The following INSL6 variants were observed in gnomAD, a reference collection of about 807,000 sequenced individuals.
INSL6 encodes insulin-like peptide INSL6.
Under a neutral mutation model 9.4 loss-of-function variants are expected in INSL6, and 16 were observed. That is an observed-to-expected ratio of 1.70 (90% CI 1.15 to 2.59). The LOEUF is 2.59. Ranked by LOEUF, INSL6 falls within the 30% of genes most tolerant of loss-of-function variation. The pLI, the probability that INSL6 is intolerant of heterozygous loss-of-function variation, is 0.00. For synonymous variants in INSL6, 154 were observed against 96.9 expected (o/e 1.59, Z -3.46); for missense variants, 391 against 257.3 (o/e 1.52, Z -3.56).
intron 2 of INSL6, among the ~76,000 whole-genome samples, chr9:5,149,287 C>G (rs1173804155): frequency 6.6e-6 from 1 of 152,228 alleles, no homozygotes; most frequent in Non-Finnish European, 1.5e-5. Flanking sequence ...GCCTCAGCAA[C>G]TGTATCTTTT....
At chr9:5,107,383 A>G in the INSL6 span, among the ~76,000 whole-genome samples, 4 of 152,094 alleles carry the variant, frequency 2.6e-5, no homozygotes, top group African/African-American at 9.7e-5. Context: ...CTTTTCCATA[A>G]AATTCTTCCT....
chr9:5,043,710 GATGA>G, the INSL6 span, among the ~76,000 whole-genome samples: 1 of 152,180 alleles, frequency 6.6e-6, no homozygotes, highest in South Asian at 2.1e-4. Flanking sequence ...TCTGTCAGGC[GATGA>G]ATGGATACAG....
At chr9:5,163,683 T>C (rs1163518938), downstream of INSL6, among the ~76,000 whole-genome samples, 5 of 152,176 alleles carry the variant, frequency 3.3e-5, no homozygotes, top group African/African-American at 1.2e-4. Context: ...GATGTCTGCA[T>C]GGATCAAACC....
At chr9:5,057,579 T>C in the INSL6 span, among the ~76,000 whole-genome samples, 19 of 125,582 alleles carry the variant, frequency 1.5e-4, no homozygotes, top group South Asian at 2.5e-4. Flanking sequence ...CATTCTACTT[T>C]CTTTTTTTTT....
chr9:5,048,504 A>C, the INSL6 span, among the ~76,000 whole-genome samples: 17 of 152,254 alleles, frequency 1.1e-4, no homozygotes, highest in African/African-American at 4.1e-4. Flanking sequence ...GTCATTGATC[A>C]TCTTCTACTT....
chr9:5,161,639 G>GCT (rs1586869450), downstream of INSL6, among the ~76,000 whole-genome samples: 6 of 152,224 alleles, frequency 3.9e-5, no homozygotes, highest in East Asian at 9.6e-4. Context: ...AAAGAAATGA[G>GCT]TAAAACCATC....
the INSL6 span, among the ~76,000 whole-genome samples, chr9:5,017,390 G>A: frequency 5.3e-5 from 8 of 152,194 alleles, no homozygotes; most frequent in African/African-American, 1.9e-4. Flanking sequence ...ACTCCTTAAT[G>A]CTAAGAACTT....
At chr9:5,134,152 G>T (rs1253837942) in intron 2 of INSL6, among the ~76,000 whole-genome samples, 3 of 152,146 alleles carry the variant, frequency 2.0e-5, no homozygotes, top group African/African-American at 7.2e-5. Context: ...AGAAAAAAGA[G>T]TGAAAAGAAA....
chr9:5,072,694 A>G, the INSL6 span: 2 of 1,179,106 alleles, frequency 1.7e-6, no homozygotes, highest in Non-Finnish European at 1.1e-6. Flanking sequence ...TATGCATACA[A>G]CGTACTCATG....
At chr9:5,015,638 T>C in the INSL6 span, among the ~76,000 whole-genome samples, 1 of 152,038 alleles carries the variant, frequency 6.6e-6, no homozygotes, top group African/African-American at 2.4e-5. Flanking sequence ...TCTCCTGGGC[T>C]CAAGTGATCC....
chr9:5,072,512 C>T, the INSL6 span: 1 of 1,590,700 alleles, frequency 6.3e-7, no homozygotes, highest in South Asian at 1.2e-5. Flanking sequence ...TTGGCCAAGG[C>T]ACTTTTACAA....
the INSL6 span, among the ~76,000 whole-genome samples, chr9:5,087,988 A>C: frequency 6.6e-6 from 1 of 152,242 alleles, no homozygotes; most frequent in African/African-American, 2.4e-5. Flanking sequence ...CTAGAAAATA[A>C]ATTTTATGAA....
chr9:5,025,920 C>T, the INSL6 span, among the ~76,000 whole-genome samples: 1 of 152,190 alleles, frequency 6.6e-6, no homozygotes, highest in Admixed American at 6.5e-5. Flanking sequence ...TCTATATTTT[C>T]AAGTTTATTG....
At chr9:5,066,323 G>C in the INSL6 span, among the ~76,000 whole-genome samples, 3 of 152,000 alleles carry the variant, frequency 2.0e-5, no homozygotes, top group Admixed American at 6.5e-5. Flanking sequence ...AGTATTTTCT[G>C]ATATATAATC....
At chr9:5,134,347 CAA>C (rs1260940173) in intron 2 of INSL6, among the ~76,000 whole-genome samples, 3 of 152,116 alleles carry the variant, frequency 2.0e-5, no homozygotes, top group Non-Finnish European at 4.4e-5. Flanking sequence ...GAGAACACCA[CAA>C]AGATACTCCT....
the INSL6 span, among the ~76,000 whole-genome samples, chr9:5,102,038 C>G: frequency 2.0e-5 from 3 of 152,148 alleles, no homozygotes; most frequent in Admixed American, 6.6e-5. Flanking sequence ...TGGAGAATGA[C>G]TTTGACGAGC....
chr9:5,081,908 G>A, the INSL6 span: 1 of 1,490,016 alleles, frequency 6.7e-7, no homozygotes, highest in Non-Finnish European at 9.3e-7. Flanking sequence ...ATTTCATTTA[G>A]GAAAAACTTA....
chr9:5,037,762 C>T, the INSL6 span, among the ~76,000 whole-genome samples: 4 of 152,014 alleles, frequency 2.6e-5, no homozygotes, highest in African/African-American at 9.7e-5. Context: ...TGTTAAATGA[C>T]GAGTTACTGG....
At chr9:5,096,596 G>C in the INSL6 span, 1 of 152,158 alleles carries the variant, frequency 6.6e-6, no homozygotes, top group South Asian at 2.1e-4. Context: ...CTGGTAAAAA[G>C]AGGTCTTGAC....
Sources: allele counts gnomAD v4.1 joint callset (sites outside exome capture counted in the v4.1 genomes callset), GRCh38; gene constraint gnomAD v4.1.1; transcripts MANE v1.5; gene names NCBI Gene and HGNC (gene_info 2026-07-23, HGNC 2026-07-21).